GSDMC: variants seen among roughly 807,000 people sequenced by gnomAD.
The protein encoded by GSDMC is gasdermin C, also known as gasdermin-C.
GSDMC carries 59 observed loss-of-function variants against 58.0 expected under a neutral mutation model. The ratio of observed to expected loss-of-function variants is 1.02; its 90% confidence interval spans 0.82 to 1.26. The LOEUF (loss-of-function observed/expected upper bound fraction) is 1.26. Ranked by LOEUF, GSDMC falls within the 50% of genes most tolerant of loss-of-function variation. The pLI, the probability that GSDMC is intolerant of heterozygous loss-of-function variation, is 0.00. For synonymous variants in GSDMC, 241 were observed against 220.2 expected (o/e 1.09, Z -0.83); for missense variants, 659 against 598.5 (o/e 1.10, Z -1.06).
At chr8:129,753,745 C>T (rs963207925) in intron 6 of GSDMC, among the ~76,000 whole-genome samples, 3 of 152,174 alleles carry the variant, frequency 2.0e-5, no homozygotes, top group Non-Finnish European at 4.4e-5. Flanking sequence ...TCTGGACCTG[C>T]CCTGGGCCAC....
the GSDMC span, among the ~76,000 whole-genome samples, chr8:129,713,482 C>A: frequency 6.6e-6 from 1 of 152,142 alleles, no homozygotes; most frequent in Non-Finnish European, 1.5e-5. Context: ...CATTATGAAA[C>A]CCCAAACACT....
chr8:129,741,116 C>T, the GSDMC span, among the ~76,000 whole-genome samples: 6 of 152,192 alleles, frequency 3.9e-5, no homozygotes, highest in East Asian at 1.9e-4. Context: ...TTCCCCATTA[C>T]GCATTCTTGG....
chr8:129,749,853 T>C, intron 12 of GSDMC, 137 bp downstream of exon 12: 1 of 707,804 alleles, frequency 1.4e-6, no homozygotes. Flanking sequence ...CCCTCTGACC[T>C]TAGAGAGAGC....
the GSDMC span, among the ~76,000 whole-genome samples, chr8:129,735,734 A>G: frequency 5.6e-4 from 86 of 152,338 alleles, no homozygotes; most frequent in South Asian, 0.018. Context: ...CCCTAACATC[A>G]CAATTAAAAG....
the GSDMC span, among the ~76,000 whole-genome samples, chr8:129,739,091 A>G: frequency 6.6e-6 from 1 of 152,180 alleles, no homozygotes; most frequent in African/African-American, 2.4e-5. Context: ...TTACATAGGT[A>G]TACATGTTTG....
chr8:129,717,704 T>C, the GSDMC span, among the ~76,000 whole-genome samples: 1 of 151,878 alleles, frequency 6.6e-6, no homozygotes, highest in Non-Finnish European at 1.5e-5. Flanking sequence ...AAAGAGACCA[T>C]ATAGAAAAAA....
chr8:129,718,343 C>A, the GSDMC span, among the ~76,000 whole-genome samples: 1 of 152,102 alleles, frequency 6.6e-6, no homozygotes, highest in Non-Finnish European at 1.5e-5. Context: ...AAACAAACAA[C>A]CCCATCAAAA....
At chr8:129,718,196 C>A in the GSDMC span, among the ~76,000 whole-genome samples, 2 of 152,108 alleles carry the variant, frequency 1.3e-5, no homozygotes, top group South Asian at 2.1e-4. Flanking sequence ...AACTAAAGAG[C>A]TTTTGCACAG....
At chr8:129,727,045 C>T in the GSDMC span, among the ~76,000 whole-genome samples, 3 of 150,368 alleles carry the variant, frequency 2.0e-5, no homozygotes, top group Non-Finnish European at 4.4e-5. Context: ...TACTCATTTA[C>T]GCACATGGCC....
At chr8:129,744,694 G>A (rs1345681535), downstream of GSDMC, among the ~76,000 whole-genome samples, 3 of 152,200 alleles carry the variant, frequency 2.0e-5, no homozygotes, top group Non-Finnish European at 1.5e-5. Context: ...TGAATAAAGG[G>A]ACTAGTAAGA....
intron 6 of GSDMC, 79 bp downstream of exon 6, chr8:129,760,466 T>C: frequency 3.8e-6 from 3 of 787,816 alleles, no homozygotes; most frequent in Non-Finnish European, 6.4e-6. Context: ...TCAAAACATC[T>C]CATGTACCTT....
chr8:129,708,042 G>C, the GSDMC span, among the ~76,000 whole-genome samples: 1 of 152,200 alleles, frequency 6.6e-6, no homozygotes, highest in South Asian at 2.1e-4. Context: ...GAATGGCATG[G>C]TGAGGTACTG....
At chr8:129,773,995 T>G (rs1220546945) in intron 3 of GSDMC, among the ~76,000 whole-genome samples, 1 of 152,070 alleles carries the variant, frequency 6.6e-6, no homozygotes, top group Non-Finnish European at 1.5e-5. Flanking sequence ...CTCAAAGCAA[T>G]TTACAGATTC....
Position 129,765,711 on chromosome 8 carries a change from C to A in GSDMC, c.487G>T (p.Glu163Ter). Residue 163 changes from glutamate (E) to a stop codon, truncating the protein, a stop_gained, in exon 4 of 14, where the codon GAA (glutamate) becomes TAA (stop). Transcript: ENST00000276708. LOFTEE classifies it high-confidence loss of function. ...DNLYVVTEAV[E>*]LINNTVLYDS... ...TACAGCACAGTATTGTTGATCAGTT[C>A]AACAGCCTCTGTCACCACGTACAGG... 1 of 1,612,736 alleles carries A rather than the reference C, an allele frequency of 6.2e-7. No homozygotes were observed. Among genetic ancestry groups the A allele is most frequent in the Non-Finnish European group, 8.5e-7 (1 of 1,178,738 alleles).
At chr8:129,737,049 AAG>A in the GSDMC span, among the ~76,000 whole-genome samples, 17 of 152,322 alleles carry the variant, frequency 1.1e-4, no homozygotes, top group South Asian at 3.3e-3. Context: ...AATTGCTACA[AAG>A]AGAGTAAAAT....
At chr8:129,741,059 T>C in the GSDMC span, among the ~76,000 whole-genome samples, 7 of 152,290 alleles carry the variant, frequency 4.6e-5, no homozygotes, top group East Asian at 1.3e-3. Context: ...TTCTTCTGAA[T>C]GTGGATATCC....
downstream of GSDMC, among the ~76,000 whole-genome samples, chr8:129,745,984 T>C (rs145802341): frequency 1.3e-4 from 19 of 148,358 alleles, no homozygotes; most frequent in East Asian, 3.7e-3. Context: ...ATTTAATTGA[T>C]AAAAGAGTTG....
At chr8:129,778,230 T>C (rs2034303455) in intron 1 of GSDMC, among the ~76,000 whole-genome samples, 1 of 151,862 alleles carries the variant, frequency 6.6e-6, no homozygotes, top group African/African-American at 2.4e-5. Context: ...GGTACAGAAA[T>C]CAGCAAGTGC....
chr8:129,708,030 G>T, the GSDMC span, among the ~76,000 whole-genome samples: 1 of 152,114 alleles, frequency 6.6e-6, no homozygotes, highest in Non-Finnish European at 1.5e-5. Flanking sequence ...ATGTCCCAGT[G>T]TGAATGGCAT....
Sources: allele counts gnomAD v4.1 joint callset (sites outside exome capture counted in the v4.1 genomes callset), GRCh38; gene constraint gnomAD v4.1.1; transcripts MANE v1.5; gene names NCBI Gene and HGNC (gene_info 2026-07-23, HGNC 2026-07-21).